ACOX1: variants seen among roughly 807,000 people sequenced by gnomAD.
The protein encoded by ACOX1 is acyl-CoA oxidase 1, also known as peroxisomal acyl-coenzyme A oxidase 1.
ACOX1 carries 41 observed loss-of-function variants against 75.5 expected under a neutral mutation model. That is an observed-to-expected ratio of 0.54 (90% CI 0.42 to 0.70). ACOX1 has a LOEUF of 0.70. Among genes scored for constraint, ACOX1 ranks in the 30% least tolerant of loss-of-function variants. ACOX1 has a pLI of 0.00. For missense variants in ACOX1, 630 were observed against 837.5 expected (o/e 0.75, Z 3.06); for synonymous variants, 303 against 298.8 (o/e 1.01, Z -0.15).
In ACOX1 at chr17:75,955,567, T is replaced by C; in HGVS notation, c.773A>G (p.Gln258Arg). The C allele has an allele frequency of 6.2e-7, 1 of 1,612,378 alleles. No homozygotes were observed. The highest frequency in any genetic ancestry group is 8.5e-7 in the Non-Finnish European group (1 of 1,178,354). Residue 258 changes from glutamine to arginine, a missense_variant and splice_region_variant, in exon 6 of 14, where the codon CAG becomes CGG. By Grantham distance (43) the Gln-to-Arg change is conservative. Transcript: ENST00000293217. Reference sequence around the variant, plus strand: ...GCTTTATTTTCTATCAAAACATACCTGGGCATACTTCATCAGCATGTTTTC... The same window carrying C: ...GCTTTATTTTCTATCAAAACATACCCGGGCATACTTCATCAGCATGTTTTC... ...PRENMLMKYA[Q>R]VKPDGTYVKP...
chr17:75,971,468 G>A lies in ACOX1; in HGVS notation c.269+7066C>T, dbSNP rs764850113. 1.5e-4 allele frequency among the ~76,000 whole-genome samples: 22 copies of A among 151,470 alleles called. 1 individual carries two copies. Among genetic ancestry groups the A allele is most frequent in the Admixed American group, 9.2e-4 (14 of 15,198 alleles). ...TTTCAAAAATTAGGGCAGGCCGGGC[G>A]TGGTGACTCACACCTGTAATCCCAG... On this transcript the variant is annotated intron_variant, in intron 2 of 13. Coordinates refer to ENST00000293217, the MANE Select transcript of ACOX1 (RefSeq NM_004035.7).
chr17:75,950,689 A>C lies in ACOX1; in HGVS notation c.1298+85T>G. Reference sequence around the variant, plus strand: ...AGGAACAAATATATATATACGGTGAAGAAAAACCATGGGAACAAGAACCTA... The same window carrying C: ...AGGAACAAATATATATATACGGTGACGAAAAACCATGGGAACAAGAACCTA... On this transcript the variant is annotated intron_variant, in intron 9 of 13. Transcript: ENST00000293217. The surrounding 1 kb of genome is among the most constrained non-coding windows in gnomAD (Gnocchi z 4.3). 6.9e-7 allele frequency: 1 copy of C among 1,446,294 alleles called. No homozygotes were observed. Among genetic ancestry groups the C allele is most frequent in the Non-Finnish European group, 9.7e-7 (1 of 1,031,918 alleles). The allele number at this position is 1,446,294 out of a possible 1,614,324, so 89.6% of individuals were successfully genotyped here.
intron 4 of ACOX1, among the ~76,000 whole-genome samples, chr17:75,956,963 CTCTCTCTCTATATATA>C (rs1457470406): frequency 3.0e-3 from 58 of 19,102 alleles, no homozygotes; most frequent in South Asian, 5.8e-3. Context: ...CTCTCTCTCT[CTCTCTCTCTATATATA>C]TATATATATA....
At chr17:75,968,435 C>CAAAAAAAAAAAAAAAAAAAAAAA (rs55909021) in intron 2 of ACOX1, among the ~76,000 whole-genome samples, 1 of 21,008 alleles carries the variant, frequency 4.8e-5, no homozygotes, top group African/African-American at 3.8e-4. Context: ...GACTCCGTCT[C>CAAAAAAAAAAAAAAAAAAAAAAA]AAAAAAAAAA....
At chr17:75,954,512 C>G (rs1279900111) in intron 6 of ACOX1, among the ~76,000 whole-genome samples, 6 of 133,344 alleles carry the variant, frequency 4.5e-5, no homozygotes. Context: ...GACAGAGACT[C>G]TCTCTCTCAA....
rs774862216 is a variant in ACOX1, at chr17:75,950,944, T to G, written c.1128A>C (p.Gly376=). 1.9e-6 allele frequency: 3 copies of G among 1,614,100 alleles called. No individual in the cohort carries two copies. The South Asian group carries it at 3.3e-5, about 18-fold the overall frequency. Residue 376 remains glycine (G), a synonymous_variant, in exon 9 of 14, where the codon GGA becomes GGC. Coordinates refer to ENST00000293217, the MANE Select transcript of ACOX1 (RefSeq NM_004035.7). This position sits in a 1 kb window ranked among gnomAD's most constrained non-coding sequence, Gnocchi z 4.3. ...CAGTCCAGGAGGTGAAAGCCTTCAGTCCAGCGGTGAGGGCATGAAGCTGAG... is the reference window on the plus strand; with the variant it reads ...CAGTCCAGGAGGTGAAAGCCTTCAGGCCAGCGGTGAGGGCATGAAGCTGAG... ...ELPELHALTA[G]LKAFTSWTAN...
At chr17:75,970,723 T>G (rs887736389) in intron 2 of ACOX1, among the ~76,000 whole-genome samples, 15 of 152,242 alleles carry the variant, frequency 9.9e-5, no homozygotes, top group Admixed American at 7.9e-4. Context: ...TTGATCCATT[T>G]TCCAAAGTCT....
At chr17:75,964,726 C>CA (rs2065914814) in intron 2 of ACOX1, among the ~76,000 whole-genome samples, 1 of 152,110 alleles carries the variant, frequency 6.6e-6, no homozygotes, top group South Asian at 2.1e-4. Flanking sequence ...GCTGCTTATG[C>CA]ATGATAAAGA....
At position 75,978,813 on chromosome 17, in the gene ACOX1, C is replaced by A. The variant is rs753256489; in HGVS notation, c.110-120G>T. 22 of 1,602,324 alleles carry A rather than the reference C, an allele frequency of 1.4e-5. No homozygotes were observed. Among genetic ancestry groups the A allele is most frequent in the East Asian group, 2.2e-5 (1 of 44,860 alleles). ...CACCTGGGGAATGGCGATATCCCCC[C>A]ACCAGGGACACAGGCTGTTCCTCGA... On this transcript the variant is annotated intron_variant, in intron 1 of 13. Coordinates refer to ENST00000293217, the MANE Select transcript of ACOX1 (RefSeq NM_004035.7). This position sits in a 1 kb window ranked among gnomAD's most constrained non-coding sequence, Gnocchi z 4.2.
chr17:75,955,127 CA>C (rs57524137), intron 6 of ACOX1, among the ~76,000 whole-genome samples: 9,628 of 151,774 alleles, frequency 0.063, 919 homozygotes, highest in African/African-American at 0.21. Context: ...CTCAGCCTCC[CA>C]AAAGTGCTGG....
At chr17:75,957,036 T>TAC (rs1276646767) in intron 4 of ACOX1, among the ~76,000 whole-genome samples, 6 of 142,664 alleles carry the variant, frequency 4.2e-5, no homozygotes, top group Admixed American at 7.2e-5. Flanking sequence ...TCTGTCTATA[T>TAC]ACACACACAC....
Position 75,950,768 on chromosome 17 carries a change from T to C in ACOX1, c.1298+6A>G. On this transcript the variant is annotated splice_donor_region_variant and intron_variant, in intron 9 of 13. Transcript: ENST00000293217. The surrounding 1 kb of genome is among the most constrained non-coding windows in gnomAD (Gnocchi z 4.3). Reference sequence around the variant, plus strand: ...AGATGGGAGGAATCGAGGATTTGACTCTCACCTAGCCGTCTGGAGCATCAT... The same window carrying C: ...AGATGGGAGGAATCGAGGATTTGACCCTCACCTAGCCGTCTGGAGCATCAT... The C allele has an allele frequency of 6.2e-7, 1 of 1,613,806 alleles. No individual in the cohort carries two copies. The highest frequency in any genetic ancestry group is 8.5e-7 in the Non-Finnish European group (1 of 1,179,786).
At position 75,948,401 on chromosome 17, in the gene ACOX1, T is replaced by G; in HGVS notation, c.1785A>C (p.Leu595Phe). Residue 595 changes from leucine to phenylalanine, a missense_variant, in exon 13 of 14, where the codon TTA (leucine) becomes TTC (phenylalanine). This residue lies in a region of ACOX1 where 240 missense variants were observed against 262.7 expected (regional missense o/e 0.91). Transcript: ENST00000293217. The stretch of plus-strand genomic sequence containing the variant: ...CAGCATCTGAGCGAATCAGAGTGAG[T>G]AACTCCTTTACACGCTGGTTTACTT... ...ITQVNQRVKE[L>F]LTLIRSDAVA... is the part of the protein sequence containing the mutation. 1 of 1,614,142 alleles carries G rather than the reference T, an allele frequency of 6.2e-7. No individual in the cohort carries two copies. The highest frequency in any genetic ancestry group is 8.5e-7 in the Non-Finnish European group (1 of 1,180,020).
chr17:75,947,776 C>T (rs746034675), intron 13 of ACOX1, among the ~76,000 whole-genome samples: 11 of 150,060 alleles, frequency 7.3e-5, no homozygotes, highest in Non-Finnish European at 1.6e-4. Context: ...ATGGCACGAA[C>T]GTGGCTCACT....
rs1449381592 is a variant in ACOX1 at position 75,960,691 on chromosome 17, T to C, written c.270-316A>G. Reference sequence around the variant, plus strand: ...TTAAATCAAAGGAAATAAAGAAAATTTGAGAGGCCAGTGCAGTGGATCATG... The same window carrying C: ...TTAAATCAAAGGAAATAAAGAAAATCTGAGAGGCCAGTGCAGTGGATCATG... On this transcript the variant is annotated intron_variant, in intron 2 of 13. Transcript: ENST00000293217. The surrounding 1 kb of genome is among the most constrained non-coding windows in gnomAD (Gnocchi z 4.4). Among the ~76,000 whole-genome samples, 3 of 152,092 alleles carry C rather than the reference T, an allele frequency of 2.0e-5. No homozygotes were observed. Among genetic ancestry groups the C allele is most frequent in the Admixed American group, 2.0e-4 (3 of 15,244 alleles).
intron 2 of ACOX1, among the ~76,000 whole-genome samples, chr17:75,966,278 GA>G (rs1457766696): frequency 6.6e-6 from 1 of 151,106 alleles, no homozygotes; most frequent in Admixed American, 6.6e-5. Context: ...CCAACATGGT[GA>G]AACTCCGTTT....
chr17:75,975,670 G>T (rs754437186), intron 2 of ACOX1, among the ~76,000 whole-genome samples: 6 of 152,176 alleles, frequency 3.9e-5, no homozygotes, highest in Non-Finnish European at 7.3e-5. Flanking sequence ...TCAGCCAGGC[G>T]CAGTGGCTTA....
At chr17:75,949,435 TACC>T in intron 11 of ACOX1, 57 bp downstream of exon 11, 1 of 1,610,170 alleles carries the variant, frequency 6.2e-7, no homozygotes. Context: ...AGGGTTTCTG[TACC>T]AGAAAATGCG....
At chr17:75,951,640 C>T (rs939196587) in intron 7 of ACOX1, 63 bp from the exon 8 acceptor site, 76 of 1,546,860 alleles carry the variant, frequency 4.9e-5, no homozygotes, top group East Asian at 2.3e-5. Context: ...TTTCTATATG[C>T]CAGGTTCTAA....
Sources: gnomAD v4.1 joint callset for allele counts (sites outside exome capture counted in the v4.1 genomes callset) on GRCh38, gnomAD v4.1.1 for gene constraint, gnomAD v4.1.1 regional missense constraint, Gnocchi (gnomAD v3.1) non-coding constraint, MANE v1.5 for transcripts, NCBI Gene and HGNC (gene_info 2026-07-23, HGNC 2026-07-21) for gene names.